SASS6: variants seen among roughly 807,000 people sequenced by gnomAD.
The protein encoded by SASS6 is spindle assembly abnormal protein 6 homolog.
A neutral mutation model predicts 94.9 loss-of-function variants in SASS6; 59 were observed. The ratio of observed to expected loss-of-function variants is 0.62; its 90% confidence interval spans 0.50 to 0.77. The LOEUF (loss-of-function observed/expected upper bound fraction) is 0.77. Ranked by LOEUF, SASS6 falls within the 30% of genes least tolerant of loss-of-function variation. The pLI is 0.00. For synonymous variants in SASS6, 264 were observed against 270.0 expected, an observed-to-expected ratio of 0.98 and a Z score of 0.22; for missense variants, 698 against 734.1, an observed-to-expected ratio of 0.95 and a Z score of 0.57.
At position 100,119,020 on chromosome 1, in the gene SASS6, G is replaced by C. The variant is rs1224547261; in HGVS notation, c.667C>G (p.Gln223Glu). ...ELTNEKEKAL[Q>E]AQVQYQQQHE... Reference sequence around the variant, plus strand: ...TCAGTTTCCTTTAATGTTCTTACCTGCAAGGCTTTTTCCTTTTCATTTGTC... The same window carrying C: ...TCAGTTTCCTTTAATGTTCTTACCTCCAAGGCTTTTTCCTTTTCATTTGTC... Residue 223 changes from glutamine (Q) to glutamate (E), a missense_variant and splice_region_variant, in exon 7 of 17, where the codon CAG becomes GAG. Coordinates refer to ENST00000287482, the MANE Select transcript of SASS6 (RefSeq NM_194292.3). The C allele has an allele frequency of 6.4e-7, 1 of 1,561,670 alleles. No homozygotes were observed. Among genetic ancestry groups the C allele is most frequent in the Non-Finnish European group, 8.7e-7 (1 of 1,151,368 alleles).
intron 15 of SASS6, among the ~76,000 whole-genome samples, chr1:100,085,990 A>G (rs1245101224): frequency 6.6e-6 from 1 of 152,122 alleles, no homozygotes; most frequent in Non-Finnish European, 1.5e-5. Context: ...TTAAAATAAG[A>G]TTTCTTTTTC....
intron 7 of SASS6, among the ~76,000 whole-genome samples, chr1:100,111,460 C>T (rs563708270): frequency 7.2e-5 from 11 of 152,090 alleles, no homozygotes; most frequent in African/African-American, 2.2e-4. Flanking sequence ...TGCCCTATTA[C>T]GGACATTTAG....
intron 7 of SASS6, among the ~76,000 whole-genome samples, chr1:100,111,510 T>C (rs1282566998): frequency 6.6e-6 from 1 of 152,074 alleles, no homozygotes; most frequent in Non-Finnish European, 1.5e-5. Context: ...TGATGATTTT[T>C]TTTGCACAGA....
intron 11 of SASS6, 109 bp downstream of exon 11, chr1:100,107,261 CTTTT>C (rs1346856254): frequency 4.3e-6 from 3 of 691,564 alleles, no homozygotes; most frequent in Non-Finnish European, 2.5e-6. Context: ...TAGTCATGTT[CTTTT>C]GTTAAAAAAA....
intron 14 of SASS6, among the ~76,000 whole-genome samples, chr1:100,098,075 T>A (rs1049058432): frequency 6.6e-6 from 1 of 152,122 alleles, no homozygotes; most frequent in Non-Finnish European, 1.5e-5. Flanking sequence ...AATCTTAAAG[T>A]GGAAGGATTT....
intron 14 of SASS6, among the ~76,000 whole-genome samples, chr1:100,094,723 TG>T (rs1483156758): frequency 6.6e-6 from 1 of 151,670 alleles, no homozygotes; most frequent in Non-Finnish European, 1.5e-5. Context: ...AAAAATTAGC[TG>T]GTGCAGTGAC....
rs1448610619 is a variant in SASS6, at chr1:100,121,472, G to A, written c.389C>T (p.Pro130Leu). 9.4e-6 allele frequency: 15 copies of A among 1,597,898 alleles called. No individual in the cohort carries two copies. The highest frequency in any genetic ancestry group is 1.3e-5 in the Non-Finnish European group (15 of 1,168,042). The change falls in exon 5 of 17, where the codon CCT becomes CTT. Residue 130 changes from proline (P) to leucine (L), a missense_variant. Transcript: ENST00000287482. ...TGAGAGGTGTGTAAGATGCTTAAAA[G>A]GATTTGTCTCTACCACATTTAAAAA... ...PAFLNVVETNPFKHLTHLSLK... is the reference protein window; with the variant it reads ...PAFLNVVETNLFKHLTHLSLK...
In SASS6 at chr1:100,092,501, C is replaced by G. The variant is rs189033202; in HGVS notation, c.1675-4265G>C. 7.7e-3 allele frequency among the ~76,000 whole-genome samples: 1,173 copies of G among 152,196 alleles called. 7 individuals are homozygous for G. The highest frequency in any genetic ancestry group is 0.013 in the Non-Finnish European group (871 of 68,008). ...GAATACCAGGAATGAAGGAAAAGAACAAGAAGAACAGAAATGGTAAACACT... is the reference window on the plus strand; with the variant it reads ...GAATACCAGGAATGAAGGAAAAGAAGAAGAAGAACAGAAATGGTAAACACT... On this transcript the variant is annotated intron_variant, in intron 14 of 16. Transcript: ENST00000287482.
chr1:100,114,699 C>G (rs1034294411), intron 7 of SASS6, among the ~76,000 whole-genome samples: 8 of 151,944 alleles, frequency 5.3e-5, no homozygotes, highest in Non-Finnish European at 7.4e-5. Context: ...GCCTGGGCAA[C>G]AGAGCAAGAC....
intron 1 of SASS6, among the ~76,000 whole-genome samples, chr1:100,129,304 G>A (rs1273774634): frequency 6.6e-6 from 1 of 151,904 alleles, no homozygotes; most frequent in Non-Finnish European, 1.5e-5. Flanking sequence ...AAAAAACCAT[G>A]GTCTCTGTCC....
intron 1 of SASS6, among the ~76,000 whole-genome samples, chr1:100,130,979 A>G (rs922881640): frequency 6.6e-6 from 1 of 152,172 alleles, no homozygotes; most frequent in African/African-American, 2.4e-5. Context: ...GATAATAGGA[A>G]TATATTAAAG....
intron 7 of SASS6, among the ~76,000 whole-genome samples, chr1:100,114,185 T>TA (rs992266385): frequency 3.9e-4 from 60 of 152,302 alleles, no homozygotes; most frequent in African/African-American, 1.3e-3. Flanking sequence ...GTTAAAAGGC[T>TA]AATTGTATCA....
intron 14 of SASS6, among the ~76,000 whole-genome samples, chr1:100,101,145 GTTGT>G (rs1004000121): frequency 2.0e-5 from 3 of 152,110 alleles, no homozygotes; most frequent in African/African-American, 7.2e-5. Flanking sequence ...AGAGTTGAAT[GTTGT>G]TTGTTTTTCA....
At chr1:100,112,459 G>C (rs1653420199) in intron 7 of SASS6, among the ~76,000 whole-genome samples, 1 of 152,020 alleles carries the variant, frequency 6.6e-6, no homozygotes, top group African/African-American at 2.4e-5. Flanking sequence ...AAACAATTCA[G>C]ATTACTCAGT....
At chr1:100,120,886 T>TA (rs1445897342) in intron 5 of SASS6, among the ~76,000 whole-genome samples, 3 of 151,306 alleles carry the variant, frequency 2.0e-5, no homozygotes, top group African/African-American at 7.3e-5. Flanking sequence ...CCGTCTCTAC[T>TA]AAAAATACAA....
chr1:100,089,805 A>C (rs1189840584), intron 14 of SASS6, among the ~76,000 whole-genome samples: 1 of 152,086 alleles, frequency 6.6e-6, no homozygotes, highest in African/African-American at 2.4e-5. Flanking sequence ...TTAGATCTAC[A>C]TAAAGGAAAA....
At chr1:100,098,687 T>A (rs1343341031) in intron 14 of SASS6, among the ~76,000 whole-genome samples, 1 of 151,772 alleles carries the variant, frequency 6.6e-6, no homozygotes, top group African/African-American at 2.4e-5. Flanking sequence ...AACCTACTCA[T>A]CCATAAATAG....
At chr1:100,098,650 C>T (rs766324367) in intron 14 of SASS6, among the ~76,000 whole-genome samples, 4 of 150,798 alleles carry the variant, frequency 2.7e-5, no homozygotes, top group Non-Finnish European at 5.9e-5. Flanking sequence ...TTTGCTGGAG[C>T]ACTGTATGAG....
At chr1:100,095,128 G>A (rs1280517123) in intron 14 of SASS6, among the ~76,000 whole-genome samples, 1 of 152,128 alleles carries the variant, frequency 6.6e-6, no homozygotes, top group East Asian at 1.9e-4. Flanking sequence ...TCTGAAAAAT[G>A]GCCACCTAGC....
Sources: allele counts gnomAD v4.1 joint callset (sites outside exome capture counted in the v4.1 genomes callset), GRCh38; gene constraint gnomAD v4.1.1; transcripts MANE v1.5; gene names NCBI Gene and HGNC (gene_info 2026-07-23, HGNC 2026-07-21).